OTOGL: variants seen among roughly 807,000 people sequenced by gnomAD.
The protein encoded by OTOGL is otogelin-like protein.
Under a neutral mutation model 318.5 loss-of-function variants are expected in OTOGL, and 285 were observed. The ratio of observed to expected loss-of-function variants is 0.89; its 90% CI spans 0.81 to 0.99. OTOGL has a LOEUF of 0.99. Among genes scored for constraint, OTOGL ranks in the 50% least tolerant of loss-of-function variants. The probability of loss-of-function intolerance (pLI) is 0.00; values close to 1 mark genes in which losing one functional copy is unlikely to be tolerated. For synonymous variants in OTOGL, 987 were observed against 936.5 expected (o/e 1.05, Z -0.99); for missense variants, 2,899 against 2,845.6 (o/e 1.02, Z -0.43).
At chr12:80,226,315 A>G (rs1248130740) in intron 7 of OTOGL, among the ~76,000 whole-genome samples, 3 of 151,940 alleles carry the variant, frequency 2.0e-5, no homozygotes, top group Non-Finnish European at 2.9e-5. Context: ...AATATTGTTT[A>G]GAGCTGATCC....
At chr12:80,170,423 G>T (rs932156038) in intron 1 of OTOGL, among the ~76,000 whole-genome samples, 2 of 151,682 alleles carry the variant, frequency 1.3e-5, no homozygotes, top group Non-Finnish European at 2.9e-5. Context: ...TAGTTTGTTG[G>T]TTTTTTCTTT....
chr12:80,143,714 G>C (rs1872107877), intron 1 of OTOGL, among the ~76,000 whole-genome samples: 1 of 152,150 alleles, frequency 6.6e-6, no homozygotes, highest in South Asian at 2.1e-4. Flanking sequence ...TGTCACATTT[G>C]ATAGAGTGTG....
Position 80,278,150 on chromosome 12 carries a change from T to G in OTOGL, c.2682-18T>G. The G allele has an allele frequency of 6.6e-7, 1 of 1,513,950 alleles. No homozygotes were observed. Among genetic ancestry groups the G allele is most frequent in the Non-Finnish European group, 9.0e-7 (1 of 1,114,958 alleles). 93.8% of individuals were successfully genotyped at this position (1,513,950 alleles called of 1,614,324 possible). A position where few individuals can be genotyped will look rare whatever the true frequency, so the allele number is the denominator to read the frequency against. Reference sequence around the variant, plus strand: ...ACTGTAGTTCATACTAAATAGCATTTTATTCTTCATTTGGAAGAATGGCAG... The same window carrying G: ...ACTGTAGTTCATACTAAATAGCATTGTATTCTTCATTTGGAAGAATGGCAG... On this transcript the variant is annotated intron_variant, in intron 24 of 58. Coordinates refer to ENST00000547103, the MANE Select transcript of OTOGL (RefSeq NM_001378609.3).
Position 80,188,598 on chromosome 12 carries a change from A to T in OTOGL, c.-19-20815A>T, listed in dbSNP as rs140471955. On this transcript the variant is annotated intron_variant, in intron 1 of 58. Transcript: ENST00000547103. ...TAAAAAGGTGAGCCTTCTCTTTAGC[A>T]TTATAAGCATAAAATTTGTTCAAAT... 3.5e-3 allele frequency among the ~76,000 whole-genome samples: 535 copies of T among 151,514 alleles called. 4 individuals are homozygous for T. Among genetic ancestry groups the T allele is most frequent in the African/African-American group, 0.013 (519 of 41,490 alleles).
intron 1 of OTOGL, among the ~76,000 whole-genome samples, chr12:80,161,205 C>T (rs771016335): frequency 2.6e-5 from 4 of 151,574 alleles, no homozygotes; most frequent in Non-Finnish European, 5.9e-5. Context: ...TAACCAAATG[C>T]CACTTGTTCC....
At chr12:80,275,794 C>G (rs1883758611) in intron 24 of OTOGL, among the ~76,000 whole-genome samples, 1 of 151,508 alleles carries the variant, frequency 6.6e-6, no homozygotes, top group Admixed American at 6.6e-5. Context: ...AACCCTCCTT[C>G]AGCAAAAAGA....
chr12:80,127,157 C>T (rs895505880), intron 1 of OTOGL, among the ~76,000 whole-genome samples: 1 of 152,164 alleles, frequency 6.6e-6, no homozygotes, highest in Non-Finnish European at 1.5e-5. Flanking sequence ...TACAATTTGG[C>T]ATGTTTTTGC....
chr12:80,358,126 C>T, intron 49 of OTOGL, 122 bp from the exon 50 acceptor site: 1 of 684,966 alleles, frequency 1.5e-6, no homozygotes, highest in East Asian at 2.7e-5. Flanking sequence ...AAATATACCT[C>T]ATGTTTCTTT....
intron 52 of OTOGL, among the ~76,000 whole-genome samples, chr12:80,359,474 A>G (rs1423574729): frequency 6.6e-6 from 1 of 152,110 alleles, no homozygotes; most frequent in African/African-American, 2.4e-5. Flanking sequence ...GAGAAAGACA[A>G]TATATTCCTG....
Position 80,256,408 on chromosome 12 carries a change from T to C in OTOGL, c.1659T>C (p.Leu553=). The part of the protein sequence containing the change: ...LEDDFNKQVT[L]GRGGQILTSP... ...ATGATTTTAACAAACAAGTGACCCT[T>C]GGTAGGGGAGGACAAATTCTCACTA... is the stretch of plus-strand genomic sequence containing the variant. The change falls in exon 17 of 59, where the codon CTT becomes CTC. Residue 553 remains leucine, a synonymous_variant. Coordinates refer to ENST00000547103, the MANE Select transcript of OTOGL (RefSeq NM_001378609.3). 6.3e-7 allele frequency: 1 copy of C among 1,592,766 alleles called. No homozygotes were observed.
chr12:80,103,106 C>T, intron 1 of OTOGL: 1 of 1,098,984 alleles, frequency 9.1e-7, no homozygotes, highest in Non-Finnish European at 1.4e-6. Flanking sequence ...TAACATATTT[C>T]TTCCTGTAAA....
intron 24 of OTOGL, among the ~76,000 whole-genome samples, chr12:80,277,262 CTAT>C (rs555492643): frequency 2.8e-4 from 39 of 140,578 alleles, no homozygotes; most frequent in South Asian, 9.0e-4. Context: ...AATTATTGTT[CTAT>C]TATTATTTTG....
intron 55 of OTOGL, 82 bp downstream of exon 55, chr12:80,368,391 C>CCG (rs369467348): frequency 7.3e-5 from 64 of 875,472 alleles, no homozygotes; most frequent in African/African-American, 1.2e-4. Flanking sequence ...TGTCCCCCCC[C>CCG]ACACACACTG....
At chr12:80,232,617 T>C (rs1237437766) in intron 8 of OTOGL, among the ~76,000 whole-genome samples, 1 of 152,234 alleles carries the variant, frequency 6.6e-6, no homozygotes, top group Non-Finnish European at 1.5e-5. Flanking sequence ...TGTGTGTTTT[T>C]GGTTGGTTCA....
intron 24 of OTOGL, among the ~76,000 whole-genome samples, chr12:80,273,946 A>G (rs1233918211): frequency 6.6e-6 from 1 of 152,062 alleles, no homozygotes; most frequent in Non-Finnish European, 1.5e-5. Flanking sequence ...TGGTGCCCAT[A>G]TAAGATGGAA....
intron 1 of OTOGL, among the ~76,000 whole-genome samples, chr12:80,198,490 A>T (rs1393562901): frequency 6.6e-6 from 1 of 152,192 alleles, no homozygotes; most frequent in African/African-American, 2.4e-5. Flanking sequence ...AGGCTGAGGC[A>T]GGAGAATGGC....
intron 26 of OTOGL, 133 bp downstream of exon 26, chr12:80,279,299 C>G (rs1235201073): frequency 2.0e-6 from 2 of 978,700 alleles, no homozygotes; most frequent in African/African-American, 3.4e-5. Context: ...ATATTTTCAA[C>G]TTTTATTTCA....
intron 26 of OTOGL, among the ~76,000 whole-genome samples, chr12:80,283,923 A>G (rs565198466): frequency 7.9e-5 from 12 of 152,060 alleles, no homozygotes; most frequent in Non-Finnish European, 1.6e-4. Context: ...GGTTTGTTAC[A>G]TAGGTATACG....
In OTOGL at chr12:80,108,918, GTATATATATA is replaced by G. The variant is rs1304306418; in HGVS notation, c.-20+9315_-20+9324del. On this transcript the variant is annotated intron_variant, in intron 1 of 58. Coordinates refer to ENST00000547103, the MANE Select transcript of OTOGL (RefSeq NM_001378609.3). ...TGTATATATATGTGTATATATATGT[GTATATATATA>G]TGTGTGTGTATATATATATATATAT... 2.5e-3 allele frequency among the ~76,000 whole-genome samples: 291 copies of G among 117,346 alleles called. 4 individuals carry two copies. Among genetic ancestry groups the G allele is most frequent in the African/African-American group, 1.0e-2 (275 of 27,634 alleles). 77.0% of individuals were successfully genotyped at this position (117,346 alleles called of 152,430 possible).
Sources: allele counts gnomAD v4.1 joint callset (sites outside exome capture counted in the v4.1 genomes callset), GRCh38; gene constraint gnomAD v4.1.1; transcripts MANE v1.5; gene names NCBI Gene and HGNC (gene_info 2026-07-23, HGNC 2026-07-21).